NELL1: variants seen among roughly 807,000 people sequenced by gnomAD.
NELL1 encodes protein kinase C-binding protein NELL1.
Under a neutral mutation model 107.4 loss-of-function variants are expected in NELL1, and 76 were observed. The ratio of observed to expected loss-of-function variants is 0.71; its 90% confidence interval spans 0.59 to 0.86. The LOEUF (loss-of-function observed/expected upper bound fraction) is 0.86, where lower values mean the gene tolerates loss of function less well. NELL1 is among the 40% of genes least tolerant of loss of function. NELL1 has a pLI of 0.00. For missense variants in NELL1, 1,024 were observed against 1,005.5 expected, an observed-to-expected ratio of 1.02 and a Z score of -0.25; for synonymous variants, 353 against 341.2, an observed-to-expected ratio of 1.03 and a Z score of -0.38.
chr11:21,427,369 A>C (rs987956331), intron 15 of NELL1, among the ~76,000 whole-genome samples: 1 of 152,216 alleles, frequency 6.6e-6, no homozygotes, highest in Admixed American at 6.5e-5. Context: ...CACTTCTAAC[A>C]GGGAAAGGGG....
chr11:21,251,420 G>A (rs1278811502), intron 14 of NELL1, among the ~76,000 whole-genome samples: 1 of 152,046 alleles, frequency 6.6e-6, no homozygotes, highest in Non-Finnish European at 1.5e-5. Flanking sequence ...GAAGATCCAA[G>A]CATATAAATC....
At chr11:21,325,323 G>A (rs192792207) in intron 14 of NELL1, among the ~76,000 whole-genome samples, 3 of 152,068 alleles carry the variant, frequency 2.0e-5, no homozygotes, top group Admixed American at 6.6e-5. Context: ...ATGCTTCAGA[G>A]GATTTTTTAC....
chr11:20,786,034 AAT>A (rs1491200009), intron 3 of NELL1, among the ~76,000 whole-genome samples: 32 of 104,202 alleles, frequency 3.1e-4, no homozygotes, highest in Admixed American at 8.9e-4. Flanking sequence ...AAAACTTCAG[AAT>A]TTTTTTTTTT....
chr11:21,307,402 A>G, intron 14 of NELL1, among the ~76,000 whole-genome samples: 1 of 151,852 alleles, frequency 6.6e-6, no homozygotes, highest in East Asian at 1.9e-4. Context: ...TAACAGAAAA[A>G]AAAGAAAAAA....
chr11:21,515,598 A>G (rs531508115), intron 15 of NELL1, among the ~76,000 whole-genome samples: 1 of 152,270 alleles, frequency 6.6e-6, no homozygotes, highest in South Asian at 2.1e-4. Context: ...TTGAAGGGAG[A>G]ATTTGAACCT....
At chr11:20,891,198 G>A (rs533439688) in intron 5 of NELL1, among the ~76,000 whole-genome samples, 2 of 152,240 alleles carry the variant, frequency 1.3e-5, no homozygotes, top group African/African-American at 4.8e-5. Context: ...AGAGATTGGG[G>A]GCCAATATTC....
At chr11:20,923,254 A>G (rs1360240892) in intron 7 of NELL1, among the ~76,000 whole-genome samples, 10 of 152,148 alleles carry the variant, frequency 6.6e-5, no homozygotes, top group Admixed American at 6.5e-4. Context: ...GGGTCTGTGT[A>G]GGAGAGCTCA....
chr11:21,276,334 T>C (rs778501817), intron 14 of NELL1, among the ~76,000 whole-genome samples: 13 of 152,110 alleles, frequency 8.5e-5, no homozygotes, highest in South Asian at 8.3e-4. Flanking sequence ...GGAATCCAAC[T>C]TGCAAGGGAC....
At chr11:20,788,059 A>C (rs1857003954) in intron 3 of NELL1, among the ~76,000 whole-genome samples, 2 of 152,236 alleles carry the variant, frequency 1.3e-5, no homozygotes, top group African/African-American at 4.8e-5. Context: ...TTTATTGCAG[A>C]ATAATGTTAC....
intron 15 of NELL1, among the ~76,000 whole-genome samples, chr11:21,435,445 G>T (rs199900671): frequency 1.5e-5 from 2 of 137,714 alleles, no homozygotes; most frequent in Non-Finnish European, 3.2e-5. Flanking sequence ...TTTGTTTTTT[G>T]TTTTTTTTTT....
intron 14 of NELL1, among the ~76,000 whole-genome samples, chr11:21,293,626 G>A (rs770398422): frequency 3.9e-5 from 6 of 152,164 alleles, no homozygotes; most frequent in Non-Finnish European, 8.8e-5. Context: ...AAAGACACAT[G>A]CACATGTGTG....
At chr11:21,351,365 G>T (rs1850810813) in intron 14 of NELL1, among the ~76,000 whole-genome samples, 1 of 152,054 alleles carries the variant, frequency 6.6e-6, no homozygotes, top group African/African-American at 2.4e-5. Context: ...GGAGGTCTGG[G>T]ACTGGAGATG....
At chr11:20,763,212 A>G (rs911776007) in intron 2 of NELL1, among the ~76,000 whole-genome samples, 4 of 152,066 alleles carry the variant, frequency 2.6e-5, no homozygotes, top group Non-Finnish European at 5.9e-5. Context: ...GGGTCTATCC[A>G]CCCATTCTCA....
intron 3 of NELL1, among the ~76,000 whole-genome samples, chr11:20,806,348 A>G (rs1857385103): frequency 6.6e-6 from 1 of 151,626 alleles, no homozygotes; most frequent in South Asian, 2.1e-4. Context: ...CAACACTTTA[A>G]ATATGTCATA....
At chr11:21,357,644 G>A (rs1850967590) in intron 14 of NELL1, among the ~76,000 whole-genome samples, 1 of 152,114 alleles carries the variant, frequency 6.6e-6, no homozygotes. Flanking sequence ...AAGCTTTTTA[G>A]TTTAATTAAG....
intron 14 of NELL1, among the ~76,000 whole-genome samples, chr11:21,246,594 C>T (rs1056284096): frequency 6.6e-6 from 1 of 152,050 alleles, no homozygotes; most frequent in Non-Finnish European, 1.5e-5. Context: ...TACGATATGG[C>T]CTATTTTTTC....
intron 13 of NELL1, among the ~76,000 whole-genome samples, chr11:21,201,700 G>A (rs1857274097): frequency 6.6e-6 from 1 of 152,150 alleles, no homozygotes. Context: ...TCCCTGTCTT[G>A]TGCCAGTTTT....
At chr11:20,891,332 A>G (rs934498375) in intron 5 of NELL1, among the ~76,000 whole-genome samples, 2 of 152,240 alleles carry the variant, frequency 1.3e-5, no homozygotes, top group African/African-American at 2.4e-5. Flanking sequence ...TGTTACCACC[A>G]GGCCTGCCCT....
At chr11:21,011,013 T>C (rs1170452911) in intron 12 of NELL1, among the ~76,000 whole-genome samples, 7 of 152,120 alleles carry the variant, frequency 4.6e-5, no homozygotes, top group African/African-American at 1.7e-4. Context: ...ATCACCTTGA[T>C]TGGGGGTTTC....
Sources: allele counts gnomAD v4.1 joint callset (sites outside exome capture counted in the v4.1 genomes callset), GRCh38; gene constraint gnomAD v4.1.1; transcripts MANE v1.5; gene names NCBI Gene and HGNC (gene_info 2026-07-23, HGNC 2026-07-21).